Variants in DNAH5 observed in about 807,000 individuals in gnomAD.
The protein encoded by DNAH5 is axonemal beta dynein heavy chain 5.
A neutral mutation model predicts 518.2 loss-of-function variants in DNAH5; 372 were observed. That is an observed-to-expected ratio of 0.72 (90% confidence interval 0.66 to 0.78). The LOEUF (loss-of-function observed/expected upper bound fraction) is 0.78, where lower values mean the gene tolerates loss of function less well. DNAH5 is among the 30% of genes least tolerant of loss of function. DNAH5 has a pLI of 0.00. For synonymous variants in DNAH5, 2,039 were observed against 2,025.9 expected (o/e 1.01, Z -0.17); for missense variants, 5,523 against 5,687.0 (o/e 0.97, Z 0.93).
chr5:13,804,159 T>C (rs1759206719), intron 47 of DNAH5, among the ~76,000 whole-genome samples: 1 of 152,200 alleles, frequency 6.6e-6, no homozygotes, highest in African/African-American at 2.4e-5. Context: ...CTAAATTCCC[T>C]TAGCCAAAAA....
chr5:13,860,806 C>A (rs1250099618), intron 29 of DNAH5, among the ~76,000 whole-genome samples: 2 of 152,254 alleles, frequency 1.3e-5, no homozygotes, highest in East Asian at 1.9e-4. Flanking sequence ...TACAGCCTAC[C>A]TTTGTGTCTC....
intron 54 of DNAH5, among the ~76,000 whole-genome samples, chr5:13,776,931 A>T (rs1412501573): frequency 6.6e-6 from 1 of 152,208 alleles, no homozygotes; most frequent in Admixed American, 6.6e-5. Flanking sequence ...GACATGCCAA[A>T]AATCTAATTA....
intron 8 of DNAH5, among the ~76,000 whole-genome samples, 187 bp from the exon 9 acceptor site, chr5:13,916,642 C>A (rs984737438): frequency 4.8e-4 from 73 of 151,906 alleles, no homozygotes; most frequent in African/African-American, 1.7e-3. Flanking sequence ...TATGGTTAAT[C>A]AAATTTTATT....
intron 68 of DNAH5, among the ~76,000 whole-genome samples, chr5:13,731,156 T>C (rs1020141133): frequency 2.0e-5 from 3 of 152,244 alleles, no homozygotes; most frequent in African/African-American, 7.2e-5. Context: ...TACTAAATTG[T>C]TATTTTTTGC....
At chr5:13,699,858 G>A (rs1031795508) in intron 78 of DNAH5, among the ~76,000 whole-genome samples, 1 of 152,090 alleles carries the variant, frequency 6.6e-6, no homozygotes, top group Non-Finnish European at 1.5e-5. Context: ...CTTCTAAGAC[G>A]AACAGGGAAT....
chr5:13,866,434 T>A, intron 25 of DNAH5, 152 bp from the exon 26 acceptor site: 1 of 687,560 alleles, frequency 1.5e-6, no homozygotes, highest in South Asian at 2.0e-5. Context: ...ACAAAGTGAT[T>A]CATTTAGACA....
Position 13,699,063 on chromosome 5 carries a change from A to G in DNAH5, c.13723+1577T>C, listed in dbSNP as rs113091972. 1.5e-3 allele frequency among the ~76,000 whole-genome samples: 233 copies of G among 152,262 alleles called. 2 individuals carry two copies. Among genetic ancestry groups the G allele is most frequent in the African/African-American group, 5.3e-3 (222 of 41,552 alleles). ...GGTCTTTTCTCAGTGCTGCAACCCCAGCACTAGGGCAGTGTTTGGCAGATG... is the reference window on the plus strand; with the variant it reads ...GGTCTTTTCTCAGTGCTGCAACCCCGGCACTAGGGCAGTGTTTGGCAGATG... On this transcript the variant is annotated intron_variant, in intron 78 of 78. Coordinates refer to ENST00000265104, the MANE Select transcript of DNAH5 (RefSeq NM_001369.3).
intron 16 of DNAH5, among the ~76,000 whole-genome samples, chr5:13,893,150 G>A (rs993691883): frequency 3.3e-5 from 5 of 152,094 alleles, no homozygotes; most frequent in Non-Finnish European, 7.3e-5. Context: ...AAAATCTACT[G>A]ATAAGACAAG....
chr5:13,797,478 G>T (rs1023791520), intron 47 of DNAH5, among the ~76,000 whole-genome samples: 1 of 152,126 alleles, frequency 6.6e-6, no homozygotes, highest in Non-Finnish European at 1.5e-5. Context: ...GGTCATCAGA[G>T]AAATGCAAAT....
chr5:13,852,511 T>G (rs952039338), intron 30 of DNAH5, among the ~76,000 whole-genome samples: 3 of 152,082 alleles, frequency 2.0e-5, no homozygotes, highest in African/African-American at 7.2e-5. Context: ...GGGATGCCAC[T>G]GAGGCAGAAC....
chr5:13,693,191 A>T lies in DNAH5; in HGVS notation c.13724-1056T>A, dbSNP rs12188432. 8.9e-3 allele frequency among the ~76,000 whole-genome samples: 1,355 copies of T among 152,350 alleles called. 8 individuals carry two copies. The highest frequency in any genetic ancestry group is 0.012 in the Non-Finnish European group (850 of 68,030). Reference sequence around the variant, plus strand: ...GGGAAGTCAATATTACAAAAAAATTAAAAAACCCTCACTTAACTATTCAGG... The same window carrying T: ...GGGAAGTCAATATTACAAAAAAATTTAAAAACCCTCACTTAACTATTCAGG... On this transcript the variant is annotated intron_variant, in intron 78 of 78. Coordinates refer to ENST00000265104, the MANE Select transcript of DNAH5 (RefSeq NM_001369.3).
At chr5:13,724,238 G>C (rs1745427764) in intron 70 of DNAH5, among the ~76,000 whole-genome samples, 2 of 152,336 alleles carry the variant, frequency 1.3e-5, no homozygotes, top group East Asian at 1.9e-4. Flanking sequence ...GTGTGCCTTG[G>C]ATGCAGGACA....
chr5:13,768,656 G>C (rs1036786035), intron 58 of DNAH5, among the ~76,000 whole-genome samples: 1 of 152,164 alleles, frequency 6.6e-6, no homozygotes, highest in Admixed American at 6.5e-5. Flanking sequence ...GAAAGTTGAT[G>C]TAACTTTTCC....
intron 1 of DNAH5, among the ~76,000 whole-genome samples, chr5:13,989,357 GA>G (rs1783328482): frequency 6.7e-6 from 1 of 150,248 alleles, no homozygotes; most frequent in Non-Finnish European, 1.5e-5. Flanking sequence ...TAATTAAGTC[GA>G]AAGACATTTA....
At chr5:14,011,772 C>A (rs1785154205) in exon 1 of DNAH5, among the ~76,000 whole-genome samples, 1 of 152,182 alleles carries the variant, frequency 6.6e-6, no homozygotes, top group Non-Finnish European at 1.5e-5. Context: ...CCGCTCAGGC[C>A]GCCCGGCTAG....
At chr5:13,708,956 T>C (rs1009767117) in intron 75 of DNAH5, among the ~76,000 whole-genome samples, 2 of 152,266 alleles carry the variant, frequency 1.3e-5, no homozygotes, top group Non-Finnish European at 1.5e-5. Context: ...TTTATTTATG[T>C]AGTTATCATT....
chr5:13,793,760 C>A (rs368425950), intron 48 of DNAH5, 32 bp from the exon 49 acceptor site: 703 of 1,604,822 alleles, frequency 4.4e-4, no homozygotes, highest in Non-Finnish European at 5.7e-4. Flanking sequence ...ATTAAAGCAT[C>A]ATTCCTTTCT....
chr5:13,977,795 TG>T (rs1426939378), intron 1 of DNAH5, among the ~76,000 whole-genome samples: 2 of 152,016 alleles, frequency 1.3e-5, no homozygotes, highest in Non-Finnish European at 2.9e-5. Context: ...AAGTCCTTGG[TG>T]GGGGCTGGGA....
At chr5:13,790,646 T>A (rs1349940311) in intron 50 of DNAH5, among the ~76,000 whole-genome samples, 1 of 152,176 alleles carries the variant, frequency 6.6e-6, no homozygotes, top group Non-Finnish European at 1.5e-5. Context: ...CCCCTTTTGC[T>A]CCACACTTCT....
Sources: gnomAD v4.1 joint callset for allele counts (sites outside exome capture counted in the v4.1 genomes callset) on GRCh38, gnomAD v4.1.1 for gene constraint, MANE v1.5 for transcripts, NCBI Gene and HGNC (gene_info 2026-07-23, HGNC 2026-07-21) for gene names.